The following CACNA1D variants were observed in gnomAD, a reference collection of about 807,000 sequenced individuals.
CACNA1D encodes the protein calcium voltage-gated channel subunit alpha1 D.
Under a neutral mutation model 257.1 loss-of-function variants are expected in CACNA1D, and 55 were observed. That is an observed-to-expected ratio of 0.21 (90% CI 0.17 to 0.27). CACNA1D has a LOEUF of 0.27. CACNA1D is among the 10% of genes least tolerant of loss of function. The pLI is 1.00. For synonymous variants in CACNA1D, 980 were observed against 1,014.9 expected (o/e 0.97, Z 0.65); for missense variants, 1,876 against 2,784.0 (o/e 0.67, Z 7.34).
At chr3:53,660,390 A>G (rs1359207348) in intron 5 of CACNA1D, 115 bp downstream of exon 5, 1 of 931,070 alleles carries the variant, frequency 1.1e-6, no homozygotes, top group Non-Finnish European at 1.7e-6. Context: ...GGGTCAGCAG[A>G]TGACCATGGC....
chr3:53,564,747 A>G (rs966346019), intron 3 of CACNA1D, among the ~76,000 whole-genome samples: 18 of 152,290 alleles, frequency 1.2e-4, no homozygotes, highest in Admixed American at 3.9e-4. Flanking sequence ...TACTGTTGCT[A>G]TTTCCATTTT....
At chr3:53,522,630 A>G (rs372156170) in intron 3 of CACNA1D, among the ~76,000 whole-genome samples, 26 of 152,340 alleles carry the variant, frequency 1.7e-4, no homozygotes, top group African/African-American at 6.3e-4. Flanking sequence ...AAGATGTTGA[A>G]GAATTTTTTA....
intron 14 of CACNA1D, among the ~76,000 whole-genome samples, chr3:53,725,210 T>C (rs2094923580): frequency 6.6e-6 from 1 of 152,204 alleles, no homozygotes; most frequent in Admixed American, 6.5e-5. Flanking sequence ...AGGAGCTCAC[T>C]GTACGTGCTG....
At chr3:53,808,429 G>T in intron 45 of CACNA1D, 1 of 531,826 alleles carries the variant, frequency 1.9e-6, no homozygotes, top group Non-Finnish European at 3.4e-6. Context: ...AAAAAAAAAA[G>T]TAGTAAGTTT....
intron 3 of CACNA1D, among the ~76,000 whole-genome samples, chr3:53,548,363 TTTTTTTTTAA>T (rs1240629154): frequency 7.2e-6 from 1 of 139,398 alleles, no homozygotes; most frequent in Non-Finnish European, 1.5e-5. Context: ...TTTTTTTTTT[TTTTTTTTTAA>T]AAATTATCTT....
At chr3:53,497,116 A>G in intron 1 of CACNA1D, 36 bp from the exon 2 acceptor site, 1 of 983,560 alleles carries the variant, frequency 1.0e-6, no homozygotes, top group Non-Finnish European at 1.4e-6. Flanking sequence ...ATCCTCATTT[A>G]AAAAAAAAAA....
rs909013510 is a variant in CACNA1D at position 53,777,585 on chromosome 3, G to C, written c.4587+629G>C. 3.3e-5 allele frequency among the ~76,000 whole-genome samples: 5 copies of C among 152,144 alleles called. No homozygotes were observed. In the South Asian group the frequency reaches 1.0e-3, roughly 32 times the overall value. ...GACTTGGTGGCCTGGGTGAGGGGAG[G>C]GGGAGTGCTAGGAGAGCACATCTCC... On this transcript the variant is annotated intron_variant, in intron 37 of 47. Transcript: ENST00000350061.
intron 3 of CACNA1D, among the ~76,000 whole-genome samples, chr3:53,550,218 A>C (rs947721479): frequency 1.3e-5 from 2 of 152,160 alleles, no homozygotes; most frequent in East Asian, 1.9e-4. Flanking sequence ...CTGGCCTTCA[A>C]GATCCCTTTC....
rs1400114913 is a variant in CACNA1D at position 53,735,624 on chromosome 3, G to C, written c.2751+121G>C. On this transcript the variant is annotated intron_variant, in intron 20 of 47. Coordinates refer to ENST00000350061, the MANE Select transcript of CACNA1D (RefSeq NM_001128840.3). ...ACAGCTAGAGTAGGTCTTTCCTTCAGCTGGGGACGTTGGCTGTTTCCGGTT... is the reference window on the plus strand; with the variant it reads ...ACAGCTAGAGTAGGTCTTTCCTTCACCTGGGGACGTTGGCTGTTTCCGGTT... The C allele has an allele frequency of 3.6e-6, 4 of 1,114,140 alleles. No homozygotes were observed. In the African/African-American group the frequency reaches 6.2e-5, roughly 17 times the overall value. The allele number at this position is 1,114,140 out of a possible 1,614,324, so 69.0% of individuals were successfully genotyped here.
In CACNA1D at chr3:53,774,395, G is replaced by A. The variant is rs1444724218; in HGVS notation, c.4111-192G>A. 4 of 591,214 alleles carry A rather than the reference G, an allele frequency of 6.8e-6. No individual in the cohort carries two copies. Among genetic ancestry groups the A allele is most frequent in the South Asian group, 1.9e-5 (1 of 51,944 alleles). The allele number at this position is 591,214 out of a possible 1,614,324, so 36.6% of individuals were successfully genotyped here. ...AGACCGTGCCCCTCTGGAGCACCAC[G>A]TTCCCAGTGTGTAACCTGCTGCCTG... On this transcript the variant is annotated intron_variant, in intron 33 of 47. Transcript: ENST00000350061. The surrounding 1 kb of genome is among the most constrained non-coding windows in gnomAD (Gnocchi z 4.3).
intron 3 of CACNA1D, among the ~76,000 whole-genome samples, chr3:53,513,007 C>T (rs900983647): frequency 6.6e-6 from 1 of 152,310 alleles, no homozygotes; most frequent in East Asian, 1.9e-4. Context: ...CACAGGCCAG[C>T]GGATGTAGTA....
intron 20 of CACNA1D, among the ~76,000 whole-genome samples, chr3:53,739,855 A>G (rs2095098131): frequency 6.6e-6 from 1 of 152,230 alleles, no homozygotes; most frequent in Non-Finnish European, 1.5e-5. Flanking sequence ...CTTCTCCACC[A>G]ATCTGATGCT....
chr3:53,630,253 C>A (rs186342055), intron 3 of CACNA1D, among the ~76,000 whole-genome samples: 1 of 152,202 alleles, frequency 6.6e-6, no homozygotes, highest in Non-Finnish European at 1.5e-5. Context: ...TCCACAACTT[C>A]CAGTTGCCTC....
At chr3:53,553,883 C>T (rs745733629) in intron 3 of CACNA1D, among the ~76,000 whole-genome samples, 2 of 150,996 alleles carry the variant, frequency 1.3e-5, no homozygotes, top group Non-Finnish European at 2.9e-5. Context: ...AGATATGTTA[C>T]CTAGAGACTT....
chr3:53,625,351 C>G (rs116076598), intron 3 of CACNA1D, among the ~76,000 whole-genome samples: 2,549 of 152,278 alleles, frequency 0.017, 67 homozygotes, highest in African/African-American at 0.058. Context: ...GGTATTCCCA[C>G]TGTGTCTCCC....
At chr3:53,561,570 G>A (rs778335653) in intron 3 of CACNA1D, among the ~76,000 whole-genome samples, 5 of 152,170 alleles carry the variant, frequency 3.3e-5, no homozygotes, top group Non-Finnish European at 7.3e-5. Flanking sequence ...GGGACCATGT[G>A]TGATGGCTGT....
At chr3:53,583,227 G>C (rs2093160619) in intron 3 of CACNA1D, among the ~76,000 whole-genome samples, 1 of 133,334 alleles carries the variant, frequency 7.5e-6, no homozygotes, top group Non-Finnish European at 1.7e-5. Flanking sequence ...TTGCAATAGA[G>C]TGGATTTTTT....
chr3:53,723,694 T>C lies in CACNA1D; in HGVS notation c.1892+35T>C, dbSNP rs1381899210. ...TGTGGGTCCCACTGCAAATGTTTTA[T>C]GAACATGAGGCGGCAACCAGTCACA... On this transcript the variant is annotated intron_variant, in intron 13 of 47. Transcript: ENST00000350061. This position sits in a 1 kb window ranked among gnomAD's most constrained non-coding sequence, Gnocchi z 5.6. 3.7e-6 allele frequency: 6 copies of C among 1,604,832 alleles called. No individual in the cohort carries two copies. The highest frequency in any genetic ancestry group is 5.1e-6 in the Non-Finnish European group (6 of 1,171,692).
intron 3 of CACNA1D, among the ~76,000 whole-genome samples, chr3:53,521,462 C>G (rs1257353767): frequency 6.6e-6 from 1 of 152,194 alleles, no homozygotes; most frequent in African/African-American, 2.4e-5. Context: ...TTCCAACTCC[C>G]TTGTCGGAGT....
Sources: allele counts gnomAD v4.1 joint callset (sites outside exome capture counted in the v4.1 genomes callset), GRCh38; gene constraint gnomAD v4.1.1; non-coding constraint Gnocchi (gnomAD v3.1); transcripts MANE v1.5; gene names NCBI Gene and HGNC (gene_info 2026-07-23, HGNC 2026-07-21).